The following TOLLIP variants were observed in gnomAD, a reference collection of about 807,000 sequenced individuals.
The protein encoded by TOLLIP is toll-interacting protein.
Under a neutral mutation model 33.5 loss-of-function variants are expected in TOLLIP, and 16 were observed. That is an observed-to-expected ratio of 0.48 (90% CI 0.32 to 0.72). The LOEUF (loss-of-function observed/expected upper bound fraction) is 0.72, where lower values mean the gene tolerates loss of function less well. TOLLIP is among the 30% of genes least tolerant of loss of function. TOLLIP has a pLI of 0.03. For missense variants in TOLLIP, 325 were observed against 396.6 expected (o/e 0.82, Z 1.53); for synonymous variants, 176 against 163.7 (o/e 1.07, Z -0.57).
chr11:1,292,261 T>C (rs1211009254), intron 2 of TOLLIP: 2 of 152,114 alleles, frequency 1.3e-5, no homozygotes, highest in Non-Finnish European at 2.9e-5. Context: ...TTCTGGAGAG[T>C]ATGTAGCAGG....
At chr11:1,309,428 G>A (rs747591575) in intron 1 of TOLLIP, 38 bp downstream of exon 1, 3 of 1,232,552 alleles carry the variant, frequency 2.4e-6, no homozygotes, top group Admixed American at 3.9e-5. Flanking sequence ...GCAACCGCAG[G>A]TCACCGCCCC....
At chr11:1,289,087 G>T (rs1371624610) in intron 3 of TOLLIP, among the ~76,000 whole-genome samples, 1 of 152,222 alleles carries the variant, frequency 6.6e-6, no homozygotes, top group Non-Finnish European at 1.5e-5. Context: ...AGGGACACTG[G>T]CTGCTCCTCC....
At chr11:1,284,791 A>C (rs1000212007) in intron 5 of TOLLIP, among the ~76,000 whole-genome samples, 11 of 152,214 alleles carry the variant, frequency 7.2e-5, no homozygotes, top group Non-Finnish European at 1.6e-4. Flanking sequence ...TGAGCAAGTG[A>C]GGGCGAGGCC....
At chr11:1,305,954 G>A (rs5743874) in intron 1 of TOLLIP, 5,809 of 151,770 alleles carry the variant, frequency 0.038, 141 homozygotes, top group Middle Eastern at 0.099. Flanking sequence ...GGGCCCGCAC[G>A]GTACCCCTCG....
intron 4 of TOLLIP, among the ~76,000 whole-genome samples, chr11:1,287,885 C>CCCTCCCTGCTGCAG (rs1863796439): frequency 6.7e-6 from 1 of 148,424 alleles, no homozygotes; most frequent in Non-Finnish European, 1.5e-5. Flanking sequence ...CCCTGCTGCA[C>CCCTCCCTGCTGCAG]CCTCCCTGCT....
At chr11:1,298,758 G>C (rs768289079) in intron 1 of TOLLIP, among the ~76,000 whole-genome samples, 12 of 152,258 alleles carry the variant, frequency 7.9e-5, no homozygotes, top group Non-Finnish European at 1.5e-4. Flanking sequence ...ACCGCAGCCA[G>C]CGCCATGTGG....
In TOLLIP at chr11:1,303,376, G is replaced by A. The variant is rs931529762; in HGVS notation, c.33+6090C>T. On this transcript the variant is annotated intron_variant, in intron 1 of 5. Coordinates refer to ENST00000317204, the MANE Select transcript of TOLLIP (RefSeq NM_019009.4). The surrounding 1 kb of genome is among the most constrained non-coding windows in gnomAD (Gnocchi z 4.2). ...TGTGACGTGGCAGGCCCTGGGCGCCGGGCACAGGGCGCGCGCTGCGGCAGC... is the reference window on the plus strand; with the variant it reads ...TGTGACGTGGCAGGCCCTGGGCGCCAGGCACAGGGCGCGCGCTGCGGCAGC... 1.2e-4 allele frequency among the ~76,000 whole-genome samples: 18 copies of A among 152,252 alleles called. No homozygotes were observed. The highest frequency in any genetic ancestry group is 1.9e-4 in the East Asian group (1 of 5,130).
At chr11:1,297,288 G>C (rs1434314642) in intron 1 of TOLLIP, among the ~76,000 whole-genome samples, 3 of 152,138 alleles carry the variant, frequency 2.0e-5, no homozygotes, top group Non-Finnish European at 4.4e-5. Flanking sequence ...GTTAAGCCCT[G>C]CACCTGCTGT....
Position 1,276,608 on chromosome 11 carries a change from C to G in TOLLIP, c.*431G>C, listed in dbSNP as rs897788616. The G allele has an allele frequency of 8.2e-7, 1 of 1,225,348 alleles. No individual in the cohort carries two copies. Among genetic ancestry groups the G allele is most frequent in the African/African-American group, 1.6e-5 (1 of 64,288 alleles). 75.9% of individuals were successfully genotyped at this position (1,225,348 alleles called of 1,614,324 possible). A position where few individuals can be genotyped will look rare whatever the true frequency, so the allele number is the denominator to read the frequency against. On this transcript the variant is annotated 3_prime_UTR_variant, in exon 6 of 6. Coordinates refer to ENST00000317204, the MANE Select transcript of TOLLIP (RefSeq NM_019009.4). ...TCGTCTGGGAAGTTCTAAAAAAAAC[C>G]CACAGTGTGAGGGATTGTGTGTGCC...
chr11:1,285,199 C>T (rs1863648336), intron 5 of TOLLIP, among the ~76,000 whole-genome samples: 1 of 152,228 alleles, frequency 6.6e-6, no homozygotes, highest in Non-Finnish European at 1.5e-5. Context: ...CGCAACTTGG[C>T]CACTTCCATG....
At chr11:1,284,109 C>T (rs1366879618) in intron 5 of TOLLIP, among the ~76,000 whole-genome samples, 5 of 152,170 alleles carry the variant, frequency 3.3e-5, no homozygotes, top group Non-Finnish European at 5.9e-5. Context: ...CGCATCAGGG[C>T]CCCCAGGGCA....
At chr11:1,291,676 C>T (rs1183252684) in intron 2 of TOLLIP, 1 of 164,858 alleles carries the variant, frequency 6.1e-6, no homozygotes, top group African/African-American at 2.4e-5. Context: ...TCGCTGACCC[C>T]CCGCTGAGGG....
chr11:1,298,993 A>C (rs1864190693), intron 1 of TOLLIP, among the ~76,000 whole-genome samples: 2 of 152,258 alleles, frequency 1.3e-5, no homozygotes, highest in Non-Finnish European at 2.9e-5. Context: ...CTGGGACAGC[A>C]GGGGACAGTC....
rs147873040 is a variant in TOLLIP at position 1,290,303 on chromosome 11, T to C, written c.290A>G (p.Asn97Ser). 274 of 1,613,638 alleles carry C rather than the reference T, an allele frequency of 1.7e-4. 1 individual carries two copies. In the African/African-American group the frequency reaches 3.3e-3, roughly 19 times the overall value. Residue 97 changes from asparagine to serine, a missense_variant, in exon 3 of 6, where the codon AAT becomes AGT. Asn to Ser is a conservative substitution (Grantham distance 46). Coordinates refer to ENST00000317204, the MANE Select transcript of TOLLIP (RefSeq NM_019009.4). This position sits in a 1 kb window ranked among gnomAD's most constrained non-coding sequence, Gnocchi z 4.9. ...GTGGATGACCTTATTCCAGCGGGGA[T>C]TCTTGGCGCCATTGTGTGCCGTGGG... The part of the protein sequence containing the change: ...ETPTAHNGAK[N>S]PRWNKVIHCT...
intron 1 of TOLLIP, among the ~76,000 whole-genome samples, chr11:1,308,289 G>A (rs1300446077): frequency 2.0e-5 from 3 of 152,196 alleles, no homozygotes; most frequent in South Asian, 2.1e-4. Flanking sequence ...CACAAGATCT[G>A]GTCATTACAG....
chr11:1,276,786 T>G lies in TOLLIP; in HGVS notation c.*253A>C. The G allele has an allele frequency of 6.6e-7, 1 of 1,517,638 alleles. No individual in the cohort carries two copies. Among genetic ancestry groups the G allele is most frequent in the Non-Finnish European group, 8.8e-7 (1 of 1,135,434 alleles). The allele number at this position is 1,517,638 out of a possible 1,614,324, so 94.0% of individuals were successfully genotyped here. On this transcript the variant is annotated 3_prime_UTR_variant, in exon 6 of 6. Transcript: ENST00000317204. ...ACGGCATGAGAAGGAGAGACGCACG[T>G]CCCAGGGACAGGAGAGCGCGCTGAG... is the stretch of plus-strand genomic sequence containing the variant.
chr11:1,298,599 T>G lies in TOLLIP; in HGVS notation c.34-2805A>C, dbSNP rs5743925. On this transcript the variant is annotated intron_variant, in intron 1 of 5. Coordinates refer to ENST00000317204, the MANE Select transcript of TOLLIP (RefSeq NM_019009.4). ...AATAAAATTATATCCAAAGGCCTAA[T>G]GATCAAGTGTCATTTTTCAACAAGG... 606 of 152,358 alleles carry G rather than the reference T, an allele frequency of 4.0e-3. 2 individuals are homozygous for G. Among genetic ancestry groups the G allele is most frequent in the Non-Finnish European group, 7.2e-3 (492 of 68,034 alleles). 9.4% of individuals were successfully genotyped at this position (152,358 alleles called of 1,614,324 possible). A position where few individuals can be genotyped will look rare whatever the true frequency, so the allele number is the denominator to read the frequency against.
Position 1,290,148 on chromosome 11 carries a change from C to T in TOLLIP, c.366+79G>A. The T allele has an allele frequency of 1.3e-6, 2 of 1,484,400 alleles. No homozygotes were observed. Among genetic ancestry groups the T allele is most frequent in the Middle Eastern group, 1.8e-4 (1 of 5,698 alleles). The allele number at this position is 1,484,400 out of a possible 1,614,324, so 92.0% of individuals were successfully genotyped here. A position where few individuals can be genotyped will look rare whatever the true frequency, so the allele number is the denominator to read the frequency against. On this transcript the variant is annotated intron_variant, in intron 3 of 5. Transcript: ENST00000317204. The surrounding 1 kb of genome is among the most constrained non-coding windows in gnomAD (Gnocchi z 4.9). ...GCCTCGAAGCCAGCCAGGAACGTGGCTGTGTTGGCAGGTGTGTCCCCACGG... is the reference window on the plus strand; with the variant it reads ...GCCTCGAAGCCAGCCAGGAACGTGGTTGTGTTGGCAGGTGTGTCCCCACGG...
rs965709385 is a variant in TOLLIP, at chr11:1,304,685, T to C, written c.33+4781A>G. On this transcript the variant is annotated intron_variant, in intron 1 of 5. Coordinates refer to ENST00000317204, the MANE Select transcript of TOLLIP (RefSeq NM_019009.4). ...CTCATGGCAGAAGCTGATAAGTGCA[T>C]GTTACCATTTCCAGGGGAGCCCCTG... Among the ~76,000 whole-genome samples the C allele has an allele frequency of 2.0e-5, 3 of 152,380 alleles. No individual in the cohort carries two copies. The South Asian group carries it at 6.2e-4, about 32-fold the overall frequency.
Sources: gnomAD v4.1 joint callset for allele counts (sites outside exome capture counted in the v4.1 genomes callset) on GRCh38, gnomAD v4.1.1 for gene constraint, Gnocchi (gnomAD v3.1) non-coding constraint, MANE v1.5 for transcripts, NCBI Gene and HGNC (gene_info 2026-07-23, HGNC 2026-07-21) for gene names.